Variants in SPATA20 observed in about 807,000 individuals in gnomAD.
The protein encoded by SPATA20 is spermatogenesis associated 20.
SPATA20 carries 74 observed loss-of-function variants against 98.9 expected under a neutral mutation model. The observed-to-expected ratio is 0.75, with a 90% CI of 0.62 to 0.91. The LOEUF is 0.91. Among genes scored for constraint, SPATA20 ranks in the 40% least tolerant of loss-of-function variants. SPATA20 has a pLI of 0.00. For missense variants in SPATA20, 1,016 were observed against 1,069.8 expected, an observed-to-expected ratio of 0.95 and a Z score of 0.70; for synonymous variants, 430 against 440.5, an observed-to-expected ratio of 0.98 and a Z score of 0.30.
At chr17:50,549,913 G>A (rs2034982600) in intron 7 of SPATA20, 72 bp from the exon 8 acceptor site, 3 of 1,494,748 alleles carry the variant, frequency 2.0e-6, no homozygotes, top group East Asian at 2.3e-5. Context: ...CTGGCCCAAG[G>A]CCTCCTGACC....
chr17:50,550,961 G>A, intron 11 of SPATA20, 37 bp from the exon 12 acceptor site: 1 of 1,612,354 alleles, frequency 6.2e-7, no homozygotes, highest in Non-Finnish European at 8.5e-7. Flanking sequence ...GTGCCTGCCA[G>A]GCGTGTGAGC....
At position 50,550,718 on chromosome 17, in the gene SPATA20, T is replaced by G; in HGVS notation, c.1184T>G (p.Phe395Cys). Residue 395 changes from phenylalanine to cysteine, a missense_variant, in exon 11 of 17, where the codon TTC (phenylalanine) becomes TGC (cysteine). Physicochemically the swap from Phe to Cys is radical, Grantham distance 205. Coordinates refer to ENST00000006658, the MANE Select transcript of SPATA20 (RefSeq NM_022827.4). ...ARSLSHRSGG[F>C]YSAEDADSPP... ...CTCCCCTCCCCACAGTCCGGAGGCT[T>G]CTATAGCGCAGAAGATGCAGACTCG... The G allele has an allele frequency of 6.2e-7, 1 of 1,613,232 alleles. No individual in the cohort carries two copies. Among genetic ancestry groups the G allele is most frequent in the Non-Finnish European group, 8.5e-7 (1 of 1,179,836 alleles).
At chr17:50,551,262 CG>C (rs1597871425) in intron 12 of SPATA20, 72 bp downstream of exon 12, 2 of 1,375,502 alleles carry the variant, frequency 1.5e-6, no homozygotes, top group East Asian at 4.8e-5. Flanking sequence ...TTTCCGGCAG[CG>C]GCTAAATGCT....
At chr17:50,550,443 C>T in intron 9 of SPATA20, 93 bp from the exon 10 acceptor site, 1 of 1,417,902 alleles carries the variant, frequency 7.1e-7, no homozygotes, top group Non-Finnish European at 1.0e-6. Flanking sequence ...CCCAGGCTTC[C>T]CTCCCCCGCC....
chr17:50,551,459 C>T (rs947883317), intron 12 of SPATA20, 52 bp from the exon 13 acceptor site: 46 of 1,554,416 alleles, frequency 3.0e-5, no homozygotes, highest in Non-Finnish European at 3.8e-5. Context: ...GGTGGACATG[C>T]CTGGAGGGTC....
intron 14 of SPATA20, among the ~76,000 whole-genome samples, chr17:50,553,575 T>TC (rs5820821): frequency 1.2e-4 from 16 of 137,878 alleles, no homozygotes; most frequent in Non-Finnish European, 2.5e-4. Flanking sequence ...TTTTTTTTTT[T>TC]CCTAAGAAAA....
At position 50,551,090 on chromosome 17, in the gene SPATA20, C is replaced by G. The variant is rs758164397; in HGVS notation, c.1476C>G (p.Ala492=). 3 of 1,612,894 alleles carry G rather than the reference C, an allele frequency of 1.9e-6. No individual in the cohort carries two copies. Among genetic ancestry groups the G allele is most frequent in the Non-Finnish European group, 2.5e-6 (3 of 1,180,026 alleles). The change falls in exon 12 of 17, where the codon GCC becomes GCG. Residue 492 remains alanine, a synonymous_variant. Coordinates refer to ENST00000006658, the MANE Select transcript of SPATA20 (RefSeq NM_022827.4). ...TAARFGLDVE[A]VRTLLNSGLE... is the part of the protein sequence containing the mutation. ...CCCGCTTTGGCTTGGATGTGGAGGCCGTGCGGACCTTGCTCAATTCAGGGC... is the reference window on the plus strand; with the variant it reads ...CCCGCTTTGGCTTGGATGTGGAGGCGGTGCGGACCTTGCTCAATTCAGGGC...
chr17:50,554,472 G>T (rs375275157), intron 15 of SPATA20, 22 bp downstream of exon 15: 52 of 1,605,412 alleles, frequency 3.2e-5, no homozygotes, highest in African/African-American at 1.1e-4. Context: ...GGGCATCTGG[G>T]CTGGGACCTC....
chr17:50,555,139 G>C, intron 15 of SPATA20, 93 bp from the exon 16 acceptor site: 1 of 969,006 alleles, frequency 1.0e-6, no homozygotes. Flanking sequence ...AGAGATATAC[G>C]GTGGGGCGGA....
In SPATA20 at chr17:50,549,026, C is replaced by T. The variant is rs778839011; in HGVS notation, c.517-17C>T. On this transcript the variant is annotated splice_polypyrimidine_tract_variant and intron_variant, in intron 5 of 16. Transcript: ENST00000006658. ...GGCTCAGAGCAGCTCCCCTCACCCT[C>T]GCCCTCTCTCCGCCAGGCCACCAGC... The T allele has an allele frequency of 1.1e-5, 17 of 1,613,678 alleles. No individual in the cohort carries two copies. Among genetic ancestry groups the T allele is most frequent in the South Asian group, 1.1e-5 (1 of 91,076 alleles).
intron 2 of SPATA20, 109 bp from the exon 3 acceptor site, chr17:50,548,174 G>T (rs745800203): frequency 6.7e-7 from 1 of 1,499,222 alleles, no homozygotes; most frequent in East Asian, 2.4e-5. Context: ...GGGTTGGGCT[G>T]GGAGCAGGGG....
At chr17:50,552,307 G>A in intron 14 of SPATA20, 127 bp downstream of exon 14, 1 of 733,628 alleles carries the variant, frequency 1.4e-6, no homozygotes, top group South Asian at 1.9e-5. Context: ...GTGATTTTTG[G>A]CTGCTGTAAT....
At position 50,550,121 on chromosome 17, in the gene SPATA20, G is replaced by A. The variant is rs111809462; in HGVS notation, c.993+6G>A. 3.9e-5 allele frequency: 63 copies of A among 1,612,946 alleles called. No individual in the cohort carries two copies. The Middle Eastern group carries it at 1.2e-3, about 30-fold the overall frequency. ...TCCGGGACCATGTGGGGCAGGTGAC[G>A]GGCACTGGGTGTTCCCTGGAGGGGC... On this transcript the variant is annotated splice_donor_region_variant and intron_variant, in intron 8 of 16. Transcript: ENST00000006658.
At position 50,549,176 on chromosome 17, in the gene SPATA20, T is replaced by C; in HGVS notation, c.650T>C (p.Ile217Thr). The C allele has an allele frequency of 6.3e-7, 1 of 1,597,072 alleles. No homozygotes were observed. The highest frequency in any genetic ancestry group is 2.2e-5 in the East Asian group (1 of 44,550). ...RVGFRTVLLR[I>T]REQWKQNKNT... is the part of the protein sequence containing the mutation. ...GGCTTCCGCACAGTGTTGCTGAGAA[T>C]ACGAGAACAGGTGGGTGTGCCTCCG... The change falls in exon 6 of 17, where the codon ATA (isoleucine) becomes ACA (threonine). Residue 217 changes from isoleucine to threonine, a missense_variant. By Grantham distance (89) the Ile-to-Thr change is moderately conservative. Coordinates refer to ENST00000006658, the MANE Select transcript of SPATA20 (RefSeq NM_022827.4).
chr17:50,555,591 G>A lies in SPATA20; in HGVS notation c.2338G>A (p.Val780Met). 1 of 1,614,084 alleles carries A rather than the reference G, an allele frequency of 6.2e-7. No individual in the cohort carries two copies. The change falls in exon 17 of 17, where the codon GTG (valine) becomes ATG (methionine). Residue 780 changes from valine (V) to methionine (M), a missense_variant. Physicochemically the swap from Val to Met is conservative, Grantham distance 21. Transcript: ENST00000006658. ...GTTGGAAGACCAGGCCACTGCATATGTGTGTGAGAATCAAGCCTGCTCAGT... is the reference window on the plus strand; with the variant it reads ...GTTGGAAGACCAGGCCACTGCATATATGTGTGAGAATCAAGCCTGCTCAGT... ...RRLEDQATAY[V>M]CENQACSVPI...
At chr17:50,554,592 C>G in intron 15 of SPATA20, 142 bp downstream of exon 15, 1 of 790,674 alleles carries the variant, frequency 1.3e-6, no homozygotes, top group South Asian at 1.5e-5. Flanking sequence ...GCCTGTCAGA[C>G]AGGGAGGCAG....
Position 50,551,005 on chromosome 17 carries a change from A to T in SPATA20, c.1391A>T (p.Lys464Met). ...AAAGGCCATTCTCCTCAGGACCCCAAGGGGGAGCTGCAGGGCCAGAATGTG... is the reference window on the plus strand; with the variant it reads ...AAAGGCCATTCTCCTCAGGACCCCATGGGGGAGCTGCAGGGCCAGAATGTG... ...AGNISPSQDP[K>M]GELQGQNVLT... Residue 464 changes from lysine to methionine, a missense_variant, in exon 12 of 17, where the codon AAG becomes ATG. Transcript: ENST00000006658. 6.2e-7 allele frequency: 1 copy of T among 1,613,270 alleles called. No homozygotes were observed. The highest frequency in any genetic ancestry group is 8.5e-7 in the Non-Finnish European group (1 of 1,179,968).
chr17:50,554,380 TGCGTCGTGTCCCGGTG>T lies in SPATA20; in HGVS notation c.2092_2107del (p.Arg698CysfsTer19). On this transcript the variant is annotated frameshift_variant, in exon 15 of 17. Coordinates refer to ENST00000006658, the MANE Select transcript of SPATA20 (RefSeq NM_022827.4). LOFTEE classifies it high-confidence loss of function. ...CTATTGACCGCCTTTTCCGAGCGCA[TGCGTCGTGTCCCGGTG>T]GCGTTGCCCGAGATGGTCCGCGCCC... 6.2e-7 allele frequency: 1 copy of T among 1,614,134 alleles called. No individual in the cohort carries two copies. Among genetic ancestry groups the T allele is most frequent in the Non-Finnish European group, 8.5e-7 (1 of 1,180,050 alleles).
chr17:50,548,696 C>A, intron 4 of SPATA20, 78 bp downstream of exon 4: 1 of 1,586,104 alleles, frequency 6.3e-7, no homozygotes, highest in South Asian at 1.1e-5. Context: ...CTCGGCCTGG[C>A]GGGTCTTCCA....
Sources: allele counts gnomAD v4.1 joint callset (sites outside exome capture counted in the v4.1 genomes callset), GRCh38; gene constraint gnomAD v4.1.1; transcripts MANE v1.5; gene names NCBI Gene and HGNC (gene_info 2026-07-23, HGNC 2026-07-21).